WDFY2: variants seen among roughly 807,000 people sequenced by gnomAD.
WDFY2 encodes WD repeat and FYVE domain containing 2.
A neutral mutation model predicts 56.4 loss-of-function variants in WDFY2; 36 were observed. The ratio of observed to expected loss-of-function variants is 0.64; its 90% CI spans 0.49 to 0.84. The LOEUF (loss-of-function observed/expected upper bound fraction) is 0.84. Among genes scored for constraint, WDFY2 ranks in the 40% least tolerant of loss-of-function variants. The pLI is 0.00. For synonymous variants in WDFY2, 176 were observed against 183.7 expected, an observed-to-expected ratio of 0.96 and a Z score of 0.34; for missense variants, 444 against 512.2, an observed-to-expected ratio of 0.87 and a Z score of 1.29.
At chr13:51,648,605 AG>A (rs2138420372) in intron 1 of WDFY2, among the ~76,000 whole-genome samples, 1 of 152,236 alleles carries the variant, frequency 6.6e-6, no homozygotes, top group Admixed American at 6.5e-5. Context: ...TTTAACCTTA[AG>A]GAAGCAATTT....
chr13:51,716,608 G>A (rs982583285), intron 4 of WDFY2, among the ~76,000 whole-genome samples: 3 of 148,900 alleles, frequency 2.0e-5, no homozygotes, highest in Non-Finnish European at 3.0e-5. Context: ...CAGGAGAATG[G>A]CGTGAACCCG....
At chr13:51,756,251 C>T (rs1262939395) in intron 9 of WDFY2, 81 bp from the exon 10 acceptor site, 2 of 1,536,416 alleles carry the variant, frequency 1.3e-6, no homozygotes, top group Non-Finnish European at 1.8e-6. Context: ...GATTACACCT[C>T]TCTGCCAGGA....
intron 7 of WDFY2, among the ~76,000 whole-genome samples, chr13:51,740,038 G>C (rs555105478): frequency 1.8e-4 from 28 of 152,322 alleles, no homozygotes; most frequent in South Asian, 1.7e-3. Context: ...TGTTTGTAAT[G>C]CTTCTATGAA....
chr13:51,628,698 A>G (rs1954888817), intron 1 of WDFY2, among the ~76,000 whole-genome samples: 1 of 152,228 alleles, frequency 6.6e-6, no homozygotes. Flanking sequence ...GGATGAGCTA[A>G]TAGAGCCCTT....
intron 1 of WDFY2, among the ~76,000 whole-genome samples, chr13:51,659,552 A>T (rs929306054): frequency 2.0e-5 from 3 of 152,110 alleles, no homozygotes; most frequent in African/African-American, 7.2e-5. Flanking sequence ...TATGCTGATG[A>T]TGTTATGGCT....
At position 51,584,829 on chromosome 13, in the gene WDFY2, G is replaced by A; in HGVS notation, c.137+5G>A. 1 of 1,613,498 alleles carries A rather than the reference G, an allele frequency of 6.2e-7. No individual in the cohort carries two copies. On this transcript the variant is annotated splice_donor_5th_base_variant and intron_variant, in intron 1 of 11. Transcript: ENST00000298125. ...CATCAGCGTCTCCGAGGACAGGTAT[G>A]GACTACTGCCATTCGGCCGCGAGGA... is the stretch of plus-strand genomic sequence containing the variant.
chr13:51,725,079 A>G (rs558555906), intron 5 of WDFY2, among the ~76,000 whole-genome samples: 9 of 152,300 alleles, frequency 5.9e-5, no homozygotes, highest in Admixed American at 5.2e-4. Context: ...AAGTTCATAT[A>G]ATATTTCTTA....
intron 1 of WDFY2, among the ~76,000 whole-genome samples, chr13:51,622,021 G>A (rs955209333): frequency 3.3e-5 from 5 of 152,164 alleles, no homozygotes; most frequent in African/African-American, 1.2e-4. Context: ...AGAGAGAGAA[G>A]GGAGGCGGGA....
chr13:51,629,660 A>C (rs570199745), intron 1 of WDFY2, among the ~76,000 whole-genome samples: 108 of 152,286 alleles, frequency 7.1e-4, no homozygotes, highest in Non-Finnish European at 9.9e-4. Flanking sequence ...TGTGTCATGG[A>C]GAATTTAAAA....
chr13:51,614,765 C>T (rs759216434), intron 1 of WDFY2, among the ~76,000 whole-genome samples: 10 of 152,140 alleles, frequency 6.6e-5, no homozygotes, highest in African/African-American at 9.7e-5. Flanking sequence ...TAGTTTTGGC[C>T]GGGCACGTTG....
intron 1 of WDFY2, among the ~76,000 whole-genome samples, chr13:51,650,921 G>T (rs1476310871): frequency 6.6e-6 from 1 of 152,110 alleles, no homozygotes; most frequent in Non-Finnish European, 1.5e-5. Context: ...GGATGATGCT[G>T]GCCTCATAAA....
intron 1 of WDFY2, among the ~76,000 whole-genome samples, chr13:51,613,592 T>A (rs926183069): frequency 6.6e-6 from 1 of 152,208 alleles, no homozygotes; most frequent in African/African-American, 2.4e-5. Flanking sequence ...CATTTCAAGC[T>A]ACAAGTGAGC....
At chr13:51,692,269 G>A (rs1324891247) in intron 3 of WDFY2, among the ~76,000 whole-genome samples, 20 of 152,184 alleles carry the variant, frequency 1.3e-4, no homozygotes, top group Admixed American at 1.3e-3. Flanking sequence ...CCTGTCTTGT[G>A]CCAGTTTTCA....
chr13:51,755,496 A>T (rs1457564256), intron 9 of WDFY2, 37 bp downstream of exon 9: 1 of 1,585,948 alleles, frequency 6.3e-7, no homozygotes, highest in Non-Finnish European at 8.7e-7. Context: ...ATGTAATTAT[A>T]TGGAAATAGC....
At chr13:51,755,279 A>G (rs900952924) in intron 8 of WDFY2, 79 bp from the exon 9 acceptor site, 127 of 1,327,766 alleles carry the variant, frequency 9.6e-5, no homozygotes, top group Middle Eastern at 1.8e-4. Context: ...TGATAGCTCC[A>G]TAAGTTTCAT....
At chr13:51,699,202 C>T (rs78152141) in intron 3 of WDFY2, among the ~76,000 whole-genome samples, 3,585 of 152,282 alleles carry the variant, frequency 0.024, 55 homozygotes, top group East Asian at 0.061. Flanking sequence ...ACTTTCTACA[C>T]GGAGGGAGAA....
intron 2 of WDFY2, among the ~76,000 whole-genome samples, chr13:51,670,280 G>C (rs1955782767): frequency 6.6e-6 from 1 of 152,026 alleles, no homozygotes; most frequent in Non-Finnish European, 1.5e-5. Flanking sequence ...AAGTTAGAAG[G>C]ATCTGTGTGT....
At chr13:51,718,918 T>C (rs1229848208) in intron 4 of WDFY2, among the ~76,000 whole-genome samples, 1 of 152,196 alleles carries the variant, frequency 6.6e-6, no homozygotes, top group African/African-American at 2.4e-5. Flanking sequence ...GAGCTATGTG[T>C]GGCAGTAATC....
chr13:51,632,372 T>G (rs955781654), intron 1 of WDFY2, among the ~76,000 whole-genome samples: 3 of 152,184 alleles, frequency 2.0e-5, no homozygotes, highest in Non-Finnish European at 4.4e-5. Flanking sequence ...TTACTTTTTC[T>G]TTACTTAAAT....
Sources: gnomAD v4.1 joint callset for allele counts (sites outside exome capture counted in the v4.1 genomes callset) on GRCh38, gnomAD v4.1.1 for gene constraint, MANE v1.5 for transcripts, NCBI Gene and HGNC (gene_info 2026-07-23, HGNC 2026-07-21) for gene names.